The following RBMX variants were observed in gnomAD, a reference collection of about 807,000 sequenced individuals.
RBMX encodes the protein RNA-binding motif protein, X chromosome.
A neutral mutation model predicts 29.3 loss-of-function variants in RBMX; 1 was observed. That is an observed-to-expected ratio of 0.03 (90% CI 0.01 to 0.16). The LOEUF is 0.16. RBMX is among the 10% of genes least tolerant of loss of function. RBMX has a pLI of 1.00. For missense variants in RBMX, 121 were observed against 333.2 expected, an observed-to-expected ratio of 0.36 and a Z score of 4.96; for synonymous variants, 102 against 102.3, an observed-to-expected ratio of 1.00 and a Z score of 0.02.
Position 136,877,328 on chromosome X carries a change from A to ACCCCCC in RBMX, c.388+581_388+586dup, listed in dbSNP as rs765225668. On this transcript the variant is annotated intron_variant, in intron 4 of 8. Transcript: ENST00000320676. ...GCCTGGGCAACAAGTGCTAAACTCT[A>ACCCCCC]CCCCCCCCCCCCCAAAAAAAAACCA... Among the ~76,000 whole-genome samples the ACCCCCC allele has an allele frequency of 2.8e-4, 7 of 25,321 alleles. 1 individual carries two copies. Among genetic ancestry groups the ACCCCCC allele is most frequent in the Non-Finnish European group, 4.4e-4 (6 of 13,621 alleles). 22.0% of individuals were successfully genotyped at this position (25,321 alleles called of 115,157 possible).
chrX:136,878,952 T>TG, intron 3 of RBMX, 65 bp downstream of exon 3: 8 of 1,180,095 alleles, frequency 6.8e-6, no homozygotes, highest in Non-Finnish European at 9.1e-6. Flanking sequence ...AGACCAGACT[T>TG]GGACAACTAC....
In RBMX at chrX:136,879,514, T is replaced by C. The variant is rs887303362; in HGVS notation, c.-26-61A>G. The C allele has an allele frequency of 1.7e-5, 16 of 916,660 alleles. No homozygotes were observed. In the Admixed American group the frequency reaches 2.4e-4, roughly 14 times the overall value. 75.5% of individuals were successfully genotyped at this position (916,660 alleles called of 1,213,427 possible). ...AGTTCCTCAAGTTTATTGGACACTT[T>C]TACTTTCGCACATTTCTCATATTTT... On this transcript the variant is annotated intron_variant, in intron 1 of 8. Transcript: ENST00000320676.
chrX:136,871,357 T>A (rs1313930322), downstream of RBMX, among the ~76,000 whole-genome samples: 1 of 99,133 alleles, frequency 1.0e-5, no homozygotes, highest in East Asian at 3.2e-4. Flanking sequence ...CACAGGAGAA[T>A]GGCGTGAACC....
chrX:136,878,181 G>T, intron 3 of RBMX, 95 bp from the exon 4 acceptor site: 1 of 780,495 alleles, frequency 1.3e-6, no homozygotes, highest in Non-Finnish European at 1.8e-6. Context: ...TCAAAATGCA[G>T]TTATGGGTAA....
At chrX:136,872,534 A>C, downstream of RBMX, 1 of 436,747 alleles carries the variant, frequency 2.3e-6, no homozygotes, top group Non-Finnish European at 4.0e-6. Flanking sequence ...GAATGGCTTA[A>C]ATTGTTAAGT....
Position 136,875,376 on chromosome X carries a change from T to C in RBMX, c.664A>G (p.Ser222Gly). The C allele has an allele frequency of 8.3e-7, 1 of 1,209,910 alleles. No homozygotes were observed. ...DGYSTKDSYS[S>G]RDYPSSRDTR... ...TCACGAGAACTTGGGTAATCTCTGC[T>C]TGAATAGCTACAAAGCAAAAGTTTT... Residue 222 changes from serine (S) to glycine (G), a missense_variant, in exon 7 of 9, where the codon AGC (serine) becomes GGC (glycine). Around this residue, in one of 2 missense-constraint regions of RBMX, gnomAD observed 114 missense variants for 260.0 expected, o/e 0.44. Transcript: ENST00000320676.
rs1013052017 is a variant in RBMX at position 136,875,703 on chromosome X, G to T, written c.542-118C>A. 5 of 959,075 alleles carry T rather than the reference G, an allele frequency of 5.2e-6. No homozygotes were observed. The African/African-American group carries it at 9.9e-5, about 19-fold the overall frequency. 79.0% of individuals were successfully genotyped at this position (959,075 alleles called of 1,213,427 possible). On this transcript the variant is annotated intron_variant, in intron 5 of 8. Transcript: ENST00000320676. ...TTCAAAGATGACATTACGGAGGCTA[G>T]ATCACCTAATTTTATTTTCTACAAT...
In RBMX at chrX:136,873,998, A is replaced by C; in HGVS notation, c.*144T>G. On this transcript the variant is annotated 3_prime_UTR_variant, in exon 9 of 9. Transcript: ENST00000320676. ...TTTACTTTTTTCCTCACAAGAACAT[A>C]AAAATTATGGAGGGGAACTTAACAG... 9.1e-7 allele frequency: 1 copy of C among 1,096,221 alleles called. No homozygotes were observed. The highest frequency in any genetic ancestry group is 1.2e-6 in the Non-Finnish European group (1 of 840,931). 90.3% of individuals were successfully genotyped at this position (1,096,221 alleles called of 1,213,427 possible). A position where few individuals can be genotyped will look rare whatever the true frequency, so the allele number is the denominator to read the frequency against.
In RBMX at chrX:136,875,459, C is replaced by T; in HGVS notation, c.656+12G>A. ...TTAATTATTAATTTAAAAAGCTGCACTTTTCTATTACCTGTCTTTAGTAGA... is the reference window on the plus strand; with the variant it reads ...TTAATTATTAATTTAAAAAGCTGCATTTTTCTATTACCTGTCTTTAGTAGA... On this transcript the variant is annotated intron_variant, in intron 6 of 8. Coordinates refer to ENST00000320676, the MANE Select transcript of RBMX (RefSeq NM_002139.4). 1 of 1,208,713 alleles carries T rather than the reference C, an allele frequency of 8.3e-7. No homozygotes were observed. The highest frequency in any genetic ancestry group is 1.1e-6 in the Non-Finnish European group (1 of 894,410).
rs778745240 is a variant in RBMX at position 136,879,464 on chromosome X, G to T, written c.-26-11C>A. On this transcript the variant is annotated splice_polypyrimidine_tract_variant and intron_variant, in intron 1 of 8. Transcript: ENST00000320676. ...TTTGGGCCGGTGAGTCTGTTGAAAA[G>T]GAATAGTATTACCTCACTGCAAAAA... 8.8e-6 allele frequency: 10 copies of T among 1,138,493 alleles called. No homozygotes were observed. The highest frequency in any genetic ancestry group is 1.2e-5 in the Non-Finnish European group (10 of 836,169). 93.8% of individuals were successfully genotyped at this position (1,138,493 alleles called of 1,213,427 possible).
chrX:136,875,039 T>C, intron 8 of RBMX, 47 bp downstream of exon 8: 1 of 1,202,000 alleles, frequency 8.3e-7, no homozygotes, highest in Non-Finnish European at 1.1e-6. Flanking sequence ...CTCACGAACC[T>C]AAAAACTCAA....
downstream of RBMX, chrX:136,869,706 A>G (rs1290061950): frequency 9.3e-6 from 1 of 107,922 alleles, no homozygotes. Flanking sequence ...AGACAGTGCC[A>G]TAACTACACG....
Position 136,873,631 on chromosome X carries a change from G to C in RBMX, c.*511C>G, listed in dbSNP as rs1274319346. The C allele has an allele frequency of 6.8e-5, 51 of 754,279 alleles. No individual in the cohort carries two copies. Among genetic ancestry groups the C allele is most frequent in the Non-Finnish European group, 8.0e-5 (51 of 639,019 alleles). The allele number at this position is 754,279 out of a possible 1,213,427, so 62.2% of individuals were successfully genotyped here. A position where few individuals can be genotyped will look rare whatever the true frequency, so the allele number is the denominator to read the frequency against. On this transcript the variant is annotated 3_prime_UTR_variant, in exon 9 of 9. Transcript: ENST00000320676. ...CTTTTTTGGGTTTACTGGGTGAATA[G>C]CACTTTCCTTACATAGGCATGTGAT...
intron 3 of RBMX, among the ~76,000 whole-genome samples, chrX:136,878,720 A>G (rs1339042256): frequency 1.3e-5 from 1 of 77,078 alleles, no homozygotes; most frequent in Non-Finnish European, 2.4e-5. Context: ...ATTGCACTCC[A>G]GGCTAGGCAA....
intron 1 of RBMX, among the ~76,000 whole-genome samples, chrX:136,879,725 C>T (rs763365705): frequency 8.9e-6 from 1 of 111,829 alleles, no homozygotes; most frequent in Non-Finnish European, 1.9e-5. Flanking sequence ...GCAACAGCTG[C>T]TTAACATTTG....
At chrX:136,871,699 G>C (rs1190428796), downstream of RBMX, among the ~76,000 whole-genome samples, 1 of 108,743 alleles carries the variant, frequency 9.2e-6, no homozygotes, top group Non-Finnish European at 1.9e-5. Context: ...GCCCAGGCTG[G>C]AGTGCAATGG....
rs1027103997 is a variant in RBMX at position 136,877,336 on chromosome X, C to CA, written c.388+578_388+579insT. Reference sequence around the variant, plus strand: ...AACAAGTGCTAAACTCTACCCCCCCCCCCCCAAAAAAAAACCATTATTGAT... The same window carrying CA: ...AACAAGTGCTAAACTCTACCCCCCCCACCCCCAAAAAAAAACCATTATTGAT... On this transcript the variant is annotated intron_variant, in intron 4 of 8. Transcript: ENST00000320676. Among the ~76,000 whole-genome samples, 10 of 84,372 alleles carry CA rather than the reference C, an allele frequency of 1.2e-4. 1 individual carries two copies. The highest frequency in any genetic ancestry group is 7.6e-4 in the Admixed American group (6 of 7,937). 73.3% of individuals were successfully genotyped at this position (84,372 alleles called of 115,157 possible).
chrX:136,874,964 G>A (rs2077712170), intron 8 of RBMX, 122 bp downstream of exon 8: 1 of 1,091,702 alleles, frequency 9.2e-7, no homozygotes, highest in Non-Finnish European at 1.2e-6. Flanking sequence ...AGCTGATAAA[G>A]TTACCCCTTT....
downstream of RBMX, among the ~76,000 whole-genome samples, chrX:136,871,814 T>G (rs1255006060): frequency 2.1e-5 from 2 of 97,559 alleles, no homozygotes. Flanking sequence ...GCCCGGTGTT[T>G]TTTTTTTTTT....
Sources: gnomAD v4.1 joint callset for allele counts (sites outside exome capture counted in the v4.1 genomes callset) on GRCh38, gnomAD v4.1.1 for gene constraint, gnomAD v4.1.1 regional missense constraint, MANE v1.5 for transcripts, NCBI Gene and HGNC (gene_info 2026-07-23, HGNC 2026-07-21) for gene names.